Variants in CFAP58 observed in about 807,000 individuals in gnomAD.
CFAP58 encodes the protein cilia- and flagella-associated protein 58.
A neutral mutation model predicts 119.5 loss-of-function variants in CFAP58; 88 were observed. The observed-to-expected ratio is 0.74, with a 90% CI of 0.62 to 0.88. CFAP58 has a LOEUF of 0.88. CFAP58 is among the 40% of genes least tolerant of loss of function. The pLI is 0.00. For synonymous variants in CFAP58, 365 were observed against 366.3 expected (o/e 1.00, Z 0.04); for missense variants, 990 against 1,021.2 (o/e 0.97, Z 0.42).
chr10:104,362,720 A>G (rs1173087951), intron 3 of CFAP58, among the ~76,000 whole-genome samples: 2 of 152,164 alleles, frequency 1.3e-5, no homozygotes, highest in Non-Finnish European at 2.9e-5. Context: ...GTAGCGTCCT[A>G]ACTGGTCTCC....
At chr10:104,346,430 C>G in the CFAP58 span, among the ~76,000 whole-genome samples, 1 of 151,854 alleles carries the variant, frequency 6.6e-6, no homozygotes, top group Non-Finnish European at 1.5e-5. Flanking sequence ...TCACTGTAAC[C>G]TCAAACTCCT....
chr10:104,351,684 A>T (rs544524318), upstream of CFAP58: 1 of 152,380 alleles, frequency 6.6e-6, no homozygotes, highest in African/African-American at 2.4e-5. Flanking sequence ...GATGGATTAG[A>T]TAACTGAATG....
intron 9 of CFAP58, among the ~76,000 whole-genome samples, chr10:104,382,727 T>TC (rs1293633339): frequency 6.6e-6 from 1 of 152,182 alleles, no homozygotes; most frequent in Non-Finnish European, 1.5e-5. Flanking sequence ...GTTTAGAAGT[T>TC]CCTCCTTCAT....
chr10:104,348,928 A>G (rs1025032371), upstream of CFAP58, among the ~76,000 whole-genome samples: 4 of 152,172 alleles, frequency 2.6e-5, no homozygotes, highest in African/African-American at 9.7e-5. Context: ...TTATAACAAA[A>G]TACCACAGAC....
intron 2 of CFAP58, 142 bp from the exon 3 acceptor site, chr10:104,361,881 A>G (rs2014671089): frequency 2.7e-6 from 2 of 748,594 alleles, no homozygotes; most frequent in Non-Finnish European, 2.1e-6. Context: ...GCTATTCACT[A>G]TTGACTAGCT....
At chr10:104,415,982 G>A (rs545252477) in intron 15 of CFAP58, among the ~76,000 whole-genome samples, 34 of 152,116 alleles carry the variant, frequency 2.2e-4, no homozygotes, top group Non-Finnish European at 4.1e-4. Flanking sequence ...GCAGCGTATG[G>A]TGGTGAGTAC....
the CFAP58 span, among the ~76,000 whole-genome samples, chr10:104,340,781 G>A: frequency 1.3e-4 from 20 of 152,248 alleles, no homozygotes; most frequent in African/African-American, 4.8e-4. Flanking sequence ...ACCCACTCAG[G>A]GATTGGGGTT....
intron 13 of CFAP58, among the ~76,000 whole-genome samples, chr10:104,402,114 A>G (rs1380217783): frequency 6.6e-6 from 1 of 152,214 alleles, no homozygotes; most frequent in Non-Finnish European, 1.5e-5. Context: ...GTAAGCTAGT[A>G]TGAATTCCAA....
At chr10:104,376,986 G>T (rs373036978) in intron 8 of CFAP58, 93 bp downstream of exon 8, 1 of 935,524 alleles carries the variant, frequency 1.1e-6, no homozygotes, top group Non-Finnish European at 1.7e-6. Flanking sequence ...AGAAAACTCC[G>T]AGGCAAACAA....
chr10:104,366,127 C>A, intron 5 of CFAP58, 119 bp downstream of exon 5: 1 of 906,248 alleles, frequency 1.1e-6, no homozygotes, highest in Non-Finnish European at 1.6e-6. Flanking sequence ...ACTACTCGTG[C>A]TGATGATGTA....
Position 104,400,721 on chromosome 10 carries a change from G to A in CFAP58, c.1857G>A (p.Arg619=). 1 of 1,614,108 alleles carries A rather than the reference G, an allele frequency of 6.2e-7. No individual in the cohort carries two copies. Among genetic ancestry groups the A allele is most frequent in the Non-Finnish European group, 8.5e-7 (1 of 1,180,026 alleles). The change falls in exon 13 of 18, where the codon CGG becomes CGA. Residue 619 remains arginine (R), a synonymous_variant. Transcript: ENST00000369704. The stretch of plus-strand genomic sequence containing the variant: ...ATATCCTGGGGTCTCAGCTTGTTCG[G>A]CGCAATGATGAGTTAGCTTTGCTCT... ...ERDILGSQLV[R]RNDELALLYE...
At chr10:104,366,437 C>T (rs1338097574) in intron 5 of CFAP58, among the ~76,000 whole-genome samples, 2 of 152,114 alleles carry the variant, frequency 1.3e-5, no homozygotes, top group African/African-American at 2.4e-5. Context: ...ATCCTGAATT[C>T]TAAGCAGAGT....
chr10:104,416,037 T>G (rs904471977), intron 15 of CFAP58, among the ~76,000 whole-genome samples: 1 of 152,134 alleles, frequency 6.6e-6, no homozygotes, highest in African/African-American at 2.4e-5. Flanking sequence ...AAATGATGCG[T>G]GCTGTACCTG....
In CFAP58 at chr10:104,357,850, CAT is replaced by C. The variant is rs771499361; in HGVS notation, c.10-485_10-484del. Among the ~76,000 whole-genome samples, 62 of 45,700 alleles carry C rather than the reference CAT, an allele frequency of 1.4e-3. No homozygotes were observed. The South Asian group carries it at 0.02, about 15-fold the overall frequency. 30.0% of individuals were successfully genotyped at this position (45,700 alleles called of 152,430 possible). On this transcript the variant is annotated intron_variant, in intron 1 of 17. Coordinates refer to ENST00000369704, the MANE Select transcript of CFAP58 (RefSeq NM_001008723.2). ...ACACATATATGTACACATATGTACA[CAT>C]ATATACACATATATACACATATATG...
At chr10:104,408,866 A>G (rs2012410832) in intron 15 of CFAP58, among the ~76,000 whole-genome samples, 1 of 152,074 alleles carries the variant, frequency 6.6e-6, no homozygotes, top group South Asian at 2.1e-4. Context: ...TGGGAGGCCA[A>G]GTGGGGGTGG....
chr10:104,406,075 C>T (rs2012354429), intron 14 of CFAP58, among the ~76,000 whole-genome samples: 1 of 152,150 alleles, frequency 6.6e-6, no homozygotes, highest in Non-Finnish European at 1.5e-5. Context: ...CCAGCCTGGG[C>T]AACAGAGTGA....
At chr10:104,386,408 A>C (rs771238008) in intron 9 of CFAP58, among the ~76,000 whole-genome samples, 10 of 151,816 alleles carry the variant, frequency 6.6e-5, no homozygotes, top group Non-Finnish European at 1.0e-4. Context: ...ATAAATAAAA[A>C]TAAGAAAAAG....
chr10:104,383,266 T>C (rs2011854578), intron 9 of CFAP58, among the ~76,000 whole-genome samples: 1 of 152,228 alleles, frequency 6.6e-6, no homozygotes, highest in Non-Finnish European at 1.5e-5. Flanking sequence ...TCTGGAATGA[T>C]GATTATCAAT....
chr10:104,431,641 A>G (rs900599577), intron 15 of CFAP58, among the ~76,000 whole-genome samples: 4 of 152,224 alleles, frequency 2.6e-5, no homozygotes, highest in Non-Finnish European at 5.9e-5. Context: ...TGAAGTGAAT[A>G]GATTTTCAGA....
Sources: gnomAD v4.1 joint callset for allele counts (sites outside exome capture counted in the v4.1 genomes callset) on GRCh38, gnomAD v4.1.1 for gene constraint, MANE v1.5 for transcripts, NCBI Gene and HGNC (gene_info 2026-07-23, HGNC 2026-07-21) for gene names.